The following CIDEB variants were observed in gnomAD, a reference collection of about 807,000 sequenced individuals.
The protein encoded by CIDEB is cell death inducing DFFA like effector b.
CIDEB carries 27 observed loss-of-function variants against 22.4 expected under a neutral mutation model. The ratio of observed to expected loss-of-function variants is 1.21; its 90% CI spans 0.89 to 1.66. The LOEUF (loss-of-function observed/expected upper bound fraction) is 1.66. CIDEB is among the 40% of genes most tolerant of loss of function. The probability of loss-of-function intolerance (pLI) is 0.00; values close to 1 mark genes in which losing one functional copy is unlikely to be tolerated. For synonymous variants in CIDEB, 103 were observed against 109.5 expected (o/e 0.94, Z 0.37); for missense variants, 289 against 268.7 (o/e 1.08, Z -0.53).
chr14:24,305,783 G>C lies in CIDEB; in HGVS notation c.528-18C>G. The C allele has an allele frequency of 6.2e-7, 1 of 1,609,822 alleles. No homozygotes were observed. The highest frequency in any genetic ancestry group is 1.1e-5 in the South Asian group (1 of 90,550). The stretch of plus-strand genomic sequence containing the variant: ...GGAGCTCCCTGAATGGCAGAGACAA[G>C]AGGAAATCAGATGATTTGGAAAACT... On this transcript the variant is annotated intron_variant, in intron 4 of 4. Coordinates refer to ENST00000554411, the MANE Select transcript of CIDEB (RefSeq NM_001393339.1).
intron 2 of CIDEB, 39 bp downstream of exon 2, chr14:24,307,332 T>C: frequency 6.3e-7 from 1 of 1,586,316 alleles, no homozygotes; most frequent in Non-Finnish European, 8.6e-7. Flanking sequence ...GCCCCTTGGC[T>C]ACCCCTGCTA....
At position 24,307,413 on chromosome 14, in the gene CIDEB, C is replaced by CACAAG. The variant is rs780598693; in HGVS notation, c.143_144insCTTGT (p.Lys49LeufsTer2). 9.3e-6 allele frequency: 15 copies of CACAAG among 1,613,816 alleles called. No homozygotes were observed. The highest frequency in any genetic ancestry group is 1.3e-5 in the Non-Finnish European group (15 of 1,179,920). On this transcript the variant is annotated frameshift_variant, in exon 2 of 5. Transcript: ENST00000554411. LOFTEE classifies it high-confidence loss of function. ...GGCGGGTGGCAGCTGTCAGGCCTTT[C>CACAAG]CGGATGGTCCGCTTGTGATCACAGA... is the stretch of plus-strand genomic sequence containing the variant.
intron 3 of CIDEB, 86 bp downstream of exon 3, chr14:24,306,288 C>A: frequency 6.4e-7 from 1 of 1,571,390 alleles, no homozygotes; most frequent in Admixed American, 1.7e-5. Flanking sequence ...GCACCTGGTC[C>A]CCAGGATCAG....
At position 24,307,162 on chromosome 14, in the gene CIDEB, C is replaced by G. The variant is rs1298058031; in HGVS notation, c.186+209G>C. On this transcript the variant is annotated intron_variant, in intron 2 of 4. Transcript: ENST00000554411. ...CTGTCCCTCGAACTCTCCCTATCTC[C>G]TGCTAACCCCTGCTCCCATAGAAAA... The G allele has an allele frequency of 8.3e-6, 4 of 481,082 alleles. No homozygotes were observed. The East Asian group carries it at 9.7e-5, about 12-fold the overall frequency. 29.8% of individuals were successfully genotyped at this position (481,082 alleles called of 1,614,324 possible).
chr14:24,311,180 C>T, upstream of CIDEB: 1 of 1,607,328 alleles, frequency 6.2e-7, no homozygotes, highest in Non-Finnish European at 8.5e-7. Flanking sequence ...AGCTGTGCCA[C>T]CCGTCGCCGG....
In CIDEB at chr14:24,305,566, T is replaced by C; in HGVS notation, c.*67A>G. On this transcript the variant is annotated 3_prime_UTR_variant, in exon 5 of 5. Coordinates refer to ENST00000554411, the MANE Select transcript of CIDEB (RefSeq NM_001393339.1). ...CTGTACTGTCTGCAGGTCCTGAAAT[T>C]TGATGCTGTCATAGTCTTTGCAGTG... 6.5e-7 allele frequency: 1 copy of C among 1,550,050 alleles called. No individual in the cohort carries two copies. The highest frequency in any genetic ancestry group is 1.2e-5 in the South Asian group (1 of 80,532).
chr14:24,310,657 C>T, upstream of CIDEB: 1 of 1,614,084 alleles, frequency 6.2e-7, no homozygotes, highest in South Asian at 1.1e-5. Context: ...ACCTGTAGGC[C>T]CAGAAGGATG....
rs933840839 is a variant in CIDEB, at chr14:24,306,322, G to C, written c.336+52C>G. The C allele has an allele frequency of 1.6e-4, 259 of 1,609,600 alleles. 1 individual carries two copies. The highest frequency in any genetic ancestry group is 1.5e-3 in the Admixed American group (89 of 59,908). On this transcript the variant is annotated intron_variant, in intron 3 of 4. Coordinates refer to ENST00000554411, the MANE Select transcript of CIDEB (RefSeq NM_001393339.1). ...AGGGTTAAGCTAGAGAGGAAGCCCG[G>C]GAAAGCTCTAAAGGACAGGCATTGG...
At chr14:24,307,753 T>C (rs1594629906) in intron 1 of CIDEB, 65 bp downstream of exon 1, 2 of 1,488,408 alleles carry the variant, frequency 1.3e-6, no homozygotes, top group African/African-American at 1.4e-5. Context: ...AGGGGCTGAG[T>C]GGAGTATTGT....
At chr14:24,307,140 T>A in intron 2 of CIDEB, 1 of 414,092 alleles carries the variant, frequency 2.4e-6, no homozygotes, top group Non-Finnish European at 4.3e-6. Flanking sequence ...CTGAATTCTG[T>A]CCCTCGAACT....
upstream of CIDEB, chr14:24,310,782 T>C (rs768486468): frequency 1.2e-6 from 2 of 1,606,666 alleles, no homozygotes; most frequent in Admixed American, 1.7e-5. Context: ...TGGCAACGGC[T>C]TCGTGGTGTG....
chr14:24,306,284 G>C (rs1324582016), intron 3 of CIDEB, 90 bp downstream of exon 3: 1 of 1,566,412 alleles, frequency 6.4e-7, no homozygotes, highest in Non-Finnish European at 8.8e-7. Context: ...TCCTGCACCT[G>C]GTCCCCAGGA....
At chr14:24,306,789 T>A (rs772502565) in intron 2 of CIDEB, 194 of 500,058 alleles carry the variant, frequency 3.9e-4, no homozygotes, top group Non-Finnish European at 6.5e-4. Context: ...TGGTTTGGAA[T>A]TGGAAAGCAA....
chr14:24,311,174 G>T, upstream of CIDEB: 1 of 1,606,550 alleles, frequency 6.2e-7, no homozygotes. Context: ...TATGCCAGCT[G>T]TGCCACCCGT....
upstream of CIDEB, chr14:24,310,885 T>A (rs1227308602): frequency 6.3e-7 from 1 of 1,592,614 alleles, no homozygotes; most frequent in Non-Finnish European, 8.5e-7. Flanking sequence ...GTGCTGCTGC[T>A]CACGCCGCTC....
rs1257766495 is a variant in CIDEB at position 24,306,563 on chromosome 14, C to T, written c.187-40G>A. ...GAAGCAAGAAGGGCAGGTCTTATCC[C>T]ATGCCCCTTCCCTCTTTAGCTGCCC... On this transcript the variant is annotated intron_variant, in intron 2 of 4. Transcript: ENST00000554411. 5 of 1,613,296 alleles carry T rather than the reference C, an allele frequency of 3.1e-6. No homozygotes were observed. The South Asian group carries it at 5.5e-5, about 18-fold the overall frequency.
intron 2 of CIDEB, 42 bp from the exon 3 acceptor site, chr14:24,306,565 T>C (rs749590069): frequency 1.3e-5 from 21 of 1,613,180 alleles, no homozygotes; most frequent in Non-Finnish European, 1.7e-5. Context: ...TCTTATCCCA[T>C]GCCCCTTCCC....
rs560111160 is a variant in CIDEB at position 24,306,699 on chromosome 14, C to G, written c.187-176G>C. 8.4e-6 allele frequency: 6 copies of G among 717,646 alleles called. No individual in the cohort carries two copies. In the African/African-American group the frequency reaches 1.1e-4, roughly 13 times the overall value. The allele number at this position is 717,646 out of a possible 1,614,324, so 44.5% of individuals were successfully genotyped here. ...CCGTGTTCTTCAGTTTTTGGGGGATCCTAGCTAGAGGCTGACCTTTTTCCT... is the reference window on the plus strand; with the variant it reads ...CCGTGTTCTTCAGTTTTTGGGGGATGCTAGCTAGAGGCTGACCTTTTTCCT... On this transcript the variant is annotated intron_variant, in intron 2 of 4. Coordinates refer to ENST00000554411, the MANE Select transcript of CIDEB (RefSeq NM_001393339.1).
chr14:24,311,107 C>T, upstream of CIDEB: 3 of 1,569,868 alleles, frequency 1.9e-6, no homozygotes, highest in African/African-American at 2.8e-5. Flanking sequence ...GTCTGGCTGG[C>T]CGCCCTGTTG....
Sources: allele counts gnomAD v4.1 joint callset, GRCh38; gene constraint gnomAD v4.1.1; transcripts MANE v1.5; gene names NCBI Gene and HGNC (gene_info 2026-07-23, HGNC 2026-07-21).